Variants in TTC3 observed in about 807,000 individuals in gnomAD.
The protein encoded by TTC3 is E3 ubiquitin-protein ligase TTC3.
A neutral mutation model predicts 249.6 loss-of-function variants in TTC3; 180 were observed. The observed-to-expected ratio is 0.72, with a 90% CI of 0.64 to 0.82. The LOEUF (loss-of-function observed/expected upper bound fraction) is 0.82. Ranked by LOEUF, TTC3 falls within the 40% of genes least tolerant of loss-of-function variation. The pLI is 0.00. For synonymous variants in TTC3, 717 were observed against 805.0 expected (o/e 0.89, Z 1.85); for missense variants, 2,061 against 2,398.4 (o/e 0.86, Z 2.94).
intron 26 of TTC3, 132 bp from the exon 27 acceptor site, chr21:37,152,819 G>C (rs1184208815): frequency 6.9e-6 from 5 of 721,638 alleles, no homozygotes; most frequent in African/African-American, 1.8e-5. Flanking sequence ...TCTAATTAAA[G>C]TTTCTTGAGT....
chr21:37,114,259 A>C (rs1209397057), intron 11 of TTC3, among the ~76,000 whole-genome samples: 1 of 151,760 alleles, frequency 6.6e-6, no homozygotes, highest in African/African-American at 2.4e-5. Flanking sequence ...GCAACCTACA[A>C]AATGGGAGAA....
chr21:37,158,104 C>G (rs2080293927), intron 28 of TTC3: 2 of 984,972 alleles, frequency 2.0e-6, no homozygotes, highest in African/African-American at 3.5e-5. Flanking sequence ...AGAGCACACT[C>G]AAATACAGAT....
intron 19 of TTC3, 79 bp from the exon 20 acceptor site, chr21:37,140,482 A>G (rs2078341572): frequency 5.8e-6 from 6 of 1,027,278 alleles, no homozygotes; most frequent in Non-Finnish European, 8.2e-6. Flanking sequence ...ATATTATAAA[A>G]AAAATCAACC....
intron 35 of TTC3, among the ~76,000 whole-genome samples, chr21:37,176,698 T>C (rs537758129): frequency 1.1e-4 from 17 of 152,318 alleles, no homozygotes; most frequent in African/African-American, 4.1e-4. Flanking sequence ...AAAACAGTCC[T>C]TATACAATAG....
At chr21:37,166,231 A>C (rs374823592) in exon 33 of TTC3, 2 of 1,614,208 alleles carry the variant, frequency 1.2e-6, no homozygotes, top group Non-Finnish European at 1.7e-6. Flanking sequence ...TAAACGTGTT[A>C]CCAGGTTTGC....
intron 31 of TTC3, among the ~76,000 whole-genome samples, chr21:37,163,155 T>G (rs2148064578): frequency 6.6e-6 from 1 of 152,296 alleles, no homozygotes; most frequent in Middle Eastern, 3.4e-3. Context: ...TTCAATCCAC[T>G]TATCCTGCCT....
At chr21:37,138,708 G>T (rs998427867) in exon 19 of TTC3, 2 of 1,605,192 alleles carry the variant, frequency 1.2e-6, no homozygotes, top group Non-Finnish European at 1.7e-6. Flanking sequence ...GAATAGGACA[G>T]CCTGAGGTAA....
intron 6 of TTC3, 36 bp from the exon 7 acceptor site, chr21:37,091,257 A>G (rs1411489724): frequency 6.3e-7 from 1 of 1,591,296 alleles, no homozygotes; most frequent in Non-Finnish European, 8.5e-7. Context: ...AGAATTAATA[A>G]CCAAAGCCCC....
chr21:37,186,962 T>C (rs1291480891), intron 37 of TTC3, 87 bp from the exon 38 acceptor site: 10 of 743,598 alleles, frequency 1.3e-5, no homozygotes, highest in Admixed American at 3.5e-5. Flanking sequence ...CGTGGTGTGG[T>C]TTCAAAGCTC....
intron 34 of TTC3, among the ~76,000 whole-genome samples, chr21:37,168,550 T>C (rs1321070544): frequency 2.6e-5 from 4 of 152,174 alleles, no homozygotes; most frequent in African/African-American, 9.6e-5. Flanking sequence ...TTAAATGCTA[T>C]GGAGAGACAC....
intron 20 of TTC3, among the ~76,000 whole-genome samples, chr21:37,142,002 G>A (rs897814026): frequency 7.9e-5 from 12 of 152,158 alleles, no homozygotes; most frequent in South Asian, 2.1e-4. Context: ...GACAAAAACC[G>A]CATGATTATC....
intron 31 of TTC3, among the ~76,000 whole-genome samples, chr21:37,162,499 A>T (rs181927684): frequency 1.9e-4 from 29 of 152,350 alleles, no homozygotes; most frequent in African/African-American, 6.5e-4. Flanking sequence ...GTGATTTTCA[A>T]TGCCATCTGG....
At chr21:37,179,427 C>T (rs1444968675) in intron 35 of TTC3, among the ~76,000 whole-genome samples, 3 of 152,174 alleles carry the variant, frequency 2.0e-5, no homozygotes, top group Non-Finnish European at 4.4e-5. Context: ...TTTTCACTTT[C>T]CTAATGGTAT....
chr21:37,114,525 A>G (rs966127716), intron 11 of TTC3, among the ~76,000 whole-genome samples: 1 of 152,154 alleles, frequency 6.6e-6, no homozygotes, highest in Non-Finnish European at 1.5e-5. Flanking sequence ...TAAAAAGTCA[A>G]GAAACAACAG....
intron 27 of TTC3, among the ~76,000 whole-genome samples, chr21:37,156,017 A>G (rs2080028790): frequency 6.7e-6 from 1 of 149,314 alleles, no homozygotes; most frequent in African/African-American, 2.5e-5. Flanking sequence ...GTCTTTATGA[A>G]TTAGTGAAAA....
At chr21:37,108,334 A>G (rs2075284947) in intron 10 of TTC3, 58 bp from the exon 11 acceptor site, 2 of 1,429,732 alleles carry the variant, frequency 1.4e-6, no homozygotes, top group Non-Finnish European at 9.6e-7. Context: ...CATATGCAAG[A>G]TATAATACTT....
intron 43 of TTC3, 36 bp downstream of exon 43, chr21:37,197,732 A>G: frequency 6.8e-7 from 1 of 1,462,512 alleles, no homozygotes; most frequent in Non-Finnish European, 9.2e-7. Flanking sequence ...ATCCTTATTT[A>G]TTTATAAAAT....
rs2076932268 is a variant in TTC3, at chr21:37,124,881, CTT to C, written c.1233+142_1233+143del. ...CTATTGTTACTGAAATAATGATTCTCTTTTAAATAAATAATCTGAGTATCTCA... is the reference window on the plus strand; with the variant it reads ...CTATTGTTACTGAAATAATGATTCTCTTAAATAAATAATCTGAGTATCTCA... On this transcript the variant is annotated intron_variant, in intron 14 of 45. Transcript: ENST00000355666. 5 of 691,004 alleles carry C rather than the reference CTT, an allele frequency of 7.2e-6. No homozygotes were observed. In the Admixed American group the frequency reaches 1.3e-4, roughly 18 times the overall value. 42.8% of individuals were successfully genotyped at this position (691,004 alleles called of 1,614,324 possible).
chr21:37,192,786 C>G (rs1297554330), intron 41 of TTC3, among the ~76,000 whole-genome samples: 2 of 152,140 alleles, frequency 1.3e-5, no homozygotes, highest in Non-Finnish European at 2.9e-5. Flanking sequence ...TTTGCCGAAT[C>G]TTGTTAATAA....
Sources: allele counts gnomAD v4.1 joint callset (sites outside exome capture counted in the v4.1 genomes callset), GRCh38; gene constraint gnomAD v4.1.1; transcripts MANE v1.5; gene names NCBI Gene and HGNC (gene_info 2026-07-23, HGNC 2026-07-21).